Variants in PGM2 observed in about 807,000 individuals in gnomAD.
The protein encoded by PGM2 is phosphopentomutase.
In PGM2, 57 loss-of-function variants were observed where a neutral mutation model predicts 74.6. That is an observed-to-expected ratio of 0.76 (90% CI 0.62 to 0.95). The LOEUF (loss-of-function observed/expected upper bound fraction) is 0.95, where lower values mean the gene tolerates loss of function less well. PGM2 is among the 40% of genes least tolerant of loss of function. The probability of loss-of-function intolerance (pLI) is 0.00; values close to 1 mark genes in which losing one functional copy is unlikely to be tolerated. For synonymous variants in PGM2, 273 were observed against 260.7 expected (o/e 1.05, Z -0.46); for missense variants, 706 against 741.9 (o/e 0.95, Z 0.56).
rs1190039603 is a variant in PGM2 at position 37,850,378 on chromosome 4, G to T, written c.1602+5G>T. ...AGCCAACCTGATAAAAAAGCTGTAA[G>T]TAATGTCTTCTCTTTTCAACTAACC... is the stretch of plus-strand genomic sequence containing the variant. On this transcript the variant is annotated splice_donor_5th_base_variant and intron_variant, in intron 12 of 13. Transcript: ENST00000381967. 1 of 1,483,084 alleles carries T rather than the reference G, an allele frequency of 6.7e-7. No homozygotes were observed. Among genetic ancestry groups the T allele is most frequent in the Non-Finnish European group, 9.0e-7 (1 of 1,109,520 alleles). 91.9% of individuals were successfully genotyped at this position (1,483,084 alleles called of 1,614,324 possible).
At chr4:37,854,671 TAA>T (rs35502897) in intron 12 of PGM2, among the ~76,000 whole-genome samples, 3 of 142,308 alleles carry the variant, frequency 2.1e-5, no homozygotes, top group South Asian at 2.2e-4. Context: ...AAGCTTTATT[TAA>T]AAAAAAAAAA....
At chr4:37,838,136 C>T (rs1471780610) in intron 4 of PGM2, among the ~76,000 whole-genome samples, 1 of 152,192 alleles carries the variant, frequency 6.6e-6, no homozygotes, top group Non-Finnish European at 1.5e-5. Flanking sequence ...CCAGCTTGGC[C>T]TCCGGAAGTG....
chr4:37,834,769 G>A, intron 3 of PGM2, 45 bp downstream of exon 3: 2 of 973,744 alleles, frequency 2.1e-6, no homozygotes, highest in Admixed American at 2.1e-5. Flanking sequence ...AATTTATTTT[G>A]CAGTTTTATT....
At chr4:37,828,763 G>A (rs995937171) in intron 1 of PGM2, among the ~76,000 whole-genome samples, 2 of 152,306 alleles carry the variant, frequency 1.3e-5, no homozygotes, top group African/African-American at 4.8e-5. Context: ...TGAAGTCCAT[G>A]TTTTCTGATT....
chr4:37,856,029 C>G (rs1445584100), intron 13 of PGM2, among the ~76,000 whole-genome samples: 1 of 152,092 alleles, frequency 6.6e-6, no homozygotes, highest in Non-Finnish European at 1.5e-5. Flanking sequence ...TCATTGGTAG[C>G]TAACACCAAT....
intron 12 of PGM2, among the ~76,000 whole-genome samples, chr4:37,853,248 C>G (rs1441628900): frequency 2.0e-5 from 3 of 152,124 alleles, no homozygotes; most frequent in Non-Finnish European, 4.4e-5. Flanking sequence ...AGCAATCCTC[C>G]TGCTTCAGCC....
chr4:37,839,916 G>T lies in PGM2; in HGVS notation c.510G>T (p.Gln170His). 1 of 1,597,396 alleles carries T rather than the reference G, an allele frequency of 6.3e-7. No individual in the cohort carries two copies. The change falls in exon 5 of 14, where the codon CAG (glutamine) becomes CAT (histidine). Residue 170 changes from glutamine (Q) to histidine (H), a missense_variant. Gln to His is a conservative substitution (Grantham distance 24). Coordinates refer to ENST00000381967, the MANE Select transcript of PGM2 (RefSeq NM_018290.4). ...IMITASHNPK[Q>H]DNGYKVYWDN... ...TAACTGCATCTCACAATCCAAAGCA[G>T]GATAATGGTTATAAGGTATTTTCCT...
At position 37,850,380 on chromosome 4, in the gene PGM2, A is replaced by C; in HGVS notation, c.1602+7A>C. The stretch of plus-strand genomic sequence containing the variant: ...CCAACCTGATAAAAAAGCTGTAAGT[A>C]ATGTCTTCTCTTTTCAACTAACCTC... On this transcript the variant is annotated splice_region_variant and intron_variant, in intron 12 of 13. Transcript: ENST00000381967. The C allele has an allele frequency of 6.8e-7, 1 of 1,475,108 alleles. No homozygotes were observed. 91.4% of individuals were successfully genotyped at this position (1,475,108 alleles called of 1,614,324 possible).
At chr4:37,859,781 G>GT (rs1711702151) in intron 13 of PGM2, among the ~76,000 whole-genome samples, 1 of 152,080 alleles carries the variant, frequency 6.6e-6, no homozygotes, top group Non-Finnish European at 1.5e-5. Flanking sequence ...TAGCTTAAAT[G>GT]TTTTTTCATG....
intron 12 of PGM2, among the ~76,000 whole-genome samples, chr4:37,854,684 CA>C (rs1290703249): frequency 2.0e-5 from 3 of 148,244 alleles, no homozygotes; most frequent in South Asian, 2.1e-4. Context: ...AAAAAAAAAA[CA>C]AAAAAAACTC....
At chr4:37,856,364 G>A (rs867648286) in intron 13 of PGM2, among the ~76,000 whole-genome samples, 44 of 152,168 alleles carry the variant, frequency 2.9e-4, no homozygotes, top group African/African-American at 6.3e-4. Flanking sequence ...CAGCCTGGGC[G>A]ACAGAGCGAG....
At chr4:37,848,714 T>C (rs988726340) in intron 11 of PGM2, 63 bp downstream of exon 11, 17 of 1,185,352 alleles carry the variant, frequency 1.4e-5, no homozygotes, top group East Asian at 1.4e-4. Flanking sequence ...TATATACTTA[T>C]GCATGAGATA....
rs572381419 is a variant in PGM2 at position 37,855,467 on chromosome 4, A to G, written c.1603-141A>G. On this transcript the variant is annotated intron_variant, in intron 12 of 13. Transcript: ENST00000381967. ...TTAGTATTTCATTCATGTGGAGTAC[A>G]TTTTCTGATTTCCTCCAGAATGTTT... 1.9e-5 allele frequency: 13 copies of G among 683,176 alleles called. 2 individuals carry two copies. In the East Asian group the frequency reaches 2.0e-4, roughly 10 times the overall value. The allele number at this position is 683,176 out of a possible 1,614,324, so 42.3% of individuals were successfully genotyped here. A position where few individuals can be genotyped will look rare whatever the true frequency, so the allele number is the denominator to read the frequency against.
Position 37,839,933 on chromosome 4 carries a change from T to C in PGM2, c.525+2T>C. 6.3e-7 allele frequency: 1 copy of C among 1,578,922 alleles called. No individual in the cohort carries two copies. ...CCAAAGCAGGATAATGGTTATAAGGTATTTTCCTTTTTCTACTCCACACGT... is the reference window on the plus strand; with the variant it reads ...CCAAAGCAGGATAATGGTTATAAGGCATTTTCCTTTTTCTACTCCACACGT... On this transcript the variant is annotated splice_donor_variant, in intron 5 of 13. Coordinates refer to ENST00000381967, the MANE Select transcript of PGM2 (RefSeq NM_018290.4). LOFTEE classifies it high-confidence loss of function.
intron 11 of PGM2, among the ~76,000 whole-genome samples, chr4:37,849,628 C>CA (rs1452894859): frequency 6.6e-6 from 1 of 151,866 alleles, no homozygotes; most frequent in Non-Finnish European, 1.5e-5. Flanking sequence ...AGGCTGGTCT[C>CA]AAACGCCTAA....
chr4:37,840,152 T>G lies in PGM2; in HGVS notation c.612T>G (p.Pro204=). ...QAIEENLEPW[P]QAWDDSLIDS... ...TTGAAGAAAATCTAGAACCGTGGCC[T>G]CAAGCTTGGGACGATTCTTTAATTG... Residue 204 remains proline (P), a synonymous_variant, in exon 6 of 14, where the codon CCT becomes CCG. Transcript: ENST00000381967. The G allele has an allele frequency of 6.2e-7, 1 of 1,613,178 alleles. No individual in the cohort carries two copies. Among genetic ancestry groups the G allele is most frequent in the East Asian group, 2.2e-5 (1 of 44,876 alleles).
chr4:37,843,300 C>T (rs1364919662), intron 6 of PGM2, among the ~76,000 whole-genome samples: 2 of 152,026 alleles, frequency 1.3e-5, no homozygotes, highest in East Asian at 3.8e-4. Context: ...GTTGTTTTTC[C>T]AGATTTTTCT....
In PGM2 at chr4:37,861,674, G is replaced by A; in HGVS notation, c.*62G>A. The stretch of plus-strand genomic sequence containing the variant: ...AATTAAGCTGGGTTTAACTTGTTAA[G>A]CAATATTTTTAAGGGCCAAATGATT... On this transcript the variant is annotated 3_prime_UTR_variant, in exon 14 of 14. Transcript: ENST00000381967. 1 of 1,079,048 alleles carries A rather than the reference G, an allele frequency of 9.3e-7. No individual in the cohort carries two copies. The allele number at this position is 1,079,048 out of a possible 1,614,324, so 66.8% of individuals were successfully genotyped here.
In PGM2 at chr4:37,850,370, A is replaced by G; in HGVS notation, c.1599A>G (p.Lys533=). 6.6e-7 allele frequency: 1 copy of G among 1,510,010 alleles called. No individual in the cohort carries two copies. Among genetic ancestry groups the G allele is most frequent in the Non-Finnish European group, 8.8e-7 (1 of 1,130,346 alleles). The allele number at this position is 1,510,010 out of a possible 1,614,324, so 93.5% of individuals were successfully genotyped here. A position where few individuals can be genotyped will look rare whatever the true frequency, so the allele number is the denominator to read the frequency against. ...ATGATGATAGCCAACCTGATAAAAAAGCTGTAAGTAATGTCTTCTCTTTTC... is the reference window on the plus strand; with the variant it reads ...ATGATGATAGCCAACCTGATAAAAAGGCTGTAAGTAATGTCTTCTCTTTTC... The part of the protein sequence containing the change: ...TGYDDSQPDK[K]AVLPTSKSSQ... The change falls in exon 12 of 14, where the codon AAA becomes AAG. Residue 533 remains lysine, a synonymous_variant. Transcript: ENST00000381967.
Sources: allele counts gnomAD v4.1 joint callset (sites outside exome capture counted in the v4.1 genomes callset), GRCh38; gene constraint gnomAD v4.1.1; transcripts MANE v1.5; gene names NCBI Gene and HGNC (gene_info 2026-07-23, HGNC 2026-07-21).